The following BICC1 variants were observed in gnomAD, a reference collection of about 807,000 sequenced individuals.
BICC1 encodes protein bicaudal C homolog 1.
BICC1 carries 43 observed loss-of-function variants against 111.0 expected under a neutral mutation model. That is an observed-to-expected ratio of 0.39 (90% CI 0.30 to 0.50). BICC1 has a LOEUF of 0.50. Ranked by LOEUF, BICC1 falls within the 20% of genes least tolerant of loss-of-function variation. The pLI is 0.88. For missense variants in BICC1, 1,091 were observed against 1,203.2 expected (o/e 0.91, Z 1.38); for synonymous variants, 467 against 434.4 (o/e 1.07, Z -0.93).
chr10:58,729,938 C>T lies in BICC1; in HGVS notation c.307+27795C>T, dbSNP rs190065473. Among the ~76,000 whole-genome samples the T allele has an allele frequency of 3.9e-5, 6 of 152,240 alleles. No individual in the cohort carries two copies. The East Asian group carries it at 1.2e-3, about 29-fold the overall frequency. On this transcript the variant is annotated intron_variant, in intron 3 of 20. Coordinates refer to ENST00000373886, the MANE Select transcript of BICC1 (RefSeq NM_001080512.3). The stretch of plus-strand genomic sequence containing the variant: ...GTTTTGTGAGGACACAGATTTAAAC[C>T]ATATCTTTCTCCCCTGACCCCACAG...
intron 1 of BICC1, among the ~76,000 whole-genome samples, chr10:58,526,890 A>C (rs944528164): frequency 6.6e-6 from 1 of 152,214 alleles, no homozygotes; most frequent in Non-Finnish European, 1.5e-5. Context: ...ATAAACATAC[A>C]TGTGCATGTA....
chr10:58,712,192 G>GACAACACCAAATGCTGGTGAGAATGTGGA (rs1840597881), intron 3 of BICC1, among the ~76,000 whole-genome samples: 1 of 151,958 alleles, frequency 6.6e-6, no homozygotes, highest in South Asian at 2.1e-4. Context: ...CCCAAACACT[G>GACAACACCAAATGCTGGTGAGAATGTGGA]ACAACACCAA....
At chr10:58,679,424 T>C (rs1480806737) in intron 2 of BICC1, among the ~76,000 whole-genome samples, 1 of 152,162 alleles carries the variant, frequency 6.6e-6, no homozygotes, top group African/African-American at 2.4e-5. Context: ...GCAAATAAAC[T>C]AGGTTATCTA....
intron 19 of BICC1, among the ~76,000 whole-genome samples, chr10:58,818,920 G>C (rs1844176572): frequency 6.6e-6 from 1 of 152,028 alleles, no homozygotes; most frequent in Admixed American, 6.6e-5. Context: ...TTTCATCTAT[G>C]TTTCCTATTT....
At chr10:58,611,309 C>T (rs987457815) in intron 1 of BICC1, among the ~76,000 whole-genome samples, 2 of 152,106 alleles carry the variant, frequency 1.3e-5, no homozygotes, top group African/African-American at 2.4e-5. Flanking sequence ...ACTCAAATAA[C>T]AAGTGTTATT....
intron 2 of BICC1, among the ~76,000 whole-genome samples, chr10:58,673,239 A>G (rs928754890): frequency 1.3e-5 from 2 of 152,226 alleles, no homozygotes; most frequent in African/African-American, 4.8e-5. Context: ...TTTTGCAGAA[A>G]CATACATGTA....
intron 18 of BICC1, among the ~76,000 whole-genome samples, chr10:58,816,380 T>A (rs1344520088): frequency 6.6e-6 from 1 of 152,114 alleles, no homozygotes; most frequent in Non-Finnish European, 1.5e-5. Flanking sequence ...TTTGGGTCCT[T>A]TCTCTACACA....
chr10:58,727,777 C>T (rs1216402994), intron 3 of BICC1, among the ~76,000 whole-genome samples: 19 of 152,168 alleles, frequency 1.2e-4, no homozygotes, highest in Non-Finnish European at 2.9e-5. Context: ...TAATCAAGTA[C>T]AGACATACCT....
chr10:58,571,778 T>C (rs1843959177), intron 1 of BICC1, among the ~76,000 whole-genome samples: 1 of 152,162 alleles, frequency 6.6e-6, no homozygotes, highest in Admixed American at 6.6e-5. Context: ...TTTGCTATTG[T>C]GAAAAATGGC....
intron 16 of BICC1, 29 bp from the exon 17 acceptor site, chr10:58,806,975 C>T (rs759521737): frequency 4.4e-6 from 7 of 1,592,154 alleles, no homozygotes; most frequent in Non-Finnish European, 1.7e-6. Context: ...TTAAACATAC[C>T]AAGCATTGGT....
chr10:58,774,137 G>A lies in BICC1; in HGVS notation c.308-10864G>A, dbSNP rs73296709. On this transcript the variant is annotated intron_variant, in intron 3 of 20. Coordinates refer to ENST00000373886, the MANE Select transcript of BICC1 (RefSeq NM_001080512.3). ...CCATGACAGTTAACCCCATCATTAC[G>A]TATTCCTGCTCCAGTTTCACTGGGG... 2.8e-3 allele frequency among the ~76,000 whole-genome samples: 423 copies of A among 152,224 alleles called. 1 individual carries two copies. The highest frequency in any genetic ancestry group is 9.7e-3 in the African/African-American group (403 of 41,526).
intron 1 of BICC1, among the ~76,000 whole-genome samples, chr10:58,596,541 G>T (rs1033102539): frequency 6.6e-6 from 1 of 152,120 alleles, no homozygotes; most frequent in African/African-American, 2.4e-5. Context: ...ATTCAACATA[G>T]TATTGGAAGT....
At chr10:58,785,530 T>C (rs1293822093) in intron 4 of BICC1, among the ~76,000 whole-genome samples, 1 of 152,110 alleles carries the variant, frequency 6.6e-6, no homozygotes, top group Admixed American at 6.5e-5. Flanking sequence ...ATGAAATTTG[T>C]TGCTTGCTTT....
chr10:58,775,615 C>T lies in BICC1; in HGVS notation c.308-9386C>T, dbSNP rs545672296. On this transcript the variant is annotated intron_variant, in intron 3 of 20. Coordinates refer to ENST00000373886, the MANE Select transcript of BICC1 (RefSeq NM_001080512.3). ...TCTCTTAGGACTGAGAGATTAGGAT[C>T]CTTCATTTCTACTTTATGAGAAAAA... Among the ~76,000 whole-genome samples the T allele has an allele frequency of 9.2e-5, 14 of 152,266 alleles. No homozygotes were observed. The South Asian group carries it at 2.9e-3, about 32-fold the overall frequency.
At chr10:58,788,069 T>C (rs1843063480) in intron 5 of BICC1, among the ~76,000 whole-genome samples, 1 of 152,024 alleles carries the variant, frequency 6.6e-6, no homozygotes, top group African/African-American at 2.4e-5. Context: ...GAAAATGCAG[T>C]GAACAAGAGT....
intron 3 of BICC1, among the ~76,000 whole-genome samples, chr10:58,753,090 G>A (rs952860104): frequency 3.3e-5 from 5 of 152,170 alleles, no homozygotes; most frequent in African/African-American, 9.7e-5. Context: ...CACTGCCTCT[G>A]CTGGGCTCCC....
At chr10:58,516,497 T>C (rs901815243) in intron 1 of BICC1, among the ~76,000 whole-genome samples, 3 of 151,652 alleles carry the variant, frequency 2.0e-5, no homozygotes, top group African/African-American at 7.3e-5. Flanking sequence ...TTTTCATGGT[T>C]TTTTACTGGC....
Position 58,789,299 on chromosome 10 carries a change from T to A in BICC1, c.638T>A (p.Ile213Asn), listed in dbSNP as rs1238358055. The change falls in exon 7 of 21, where the codon ATT (isoleucine) becomes AAT (asparagine). Residue 213 changes from isoleucine to asparagine, a missense_variant. By Grantham distance (149) the Ile-to-Asn change is moderately radical. Transcript: ENST00000373886. Reference protein sequence around the residue: ...LPLVLMFELPIAGILQPVPDP... With the variant: ...LPLVLMFELPNAGILQPVPDP... ...TTGGTGCTGATGTTTGAGCTACCAATTGCTGGAATTCTTCAACCGGTTCCT... is the reference window on the plus strand; with the variant it reads ...TTGGTGCTGATGTTTGAGCTACCAAATGCTGGAATTCTTCAACCGGTTCCT... 13 of 1,613,854 alleles carry A rather than the reference T, an allele frequency of 8.1e-6. No individual in the cohort carries two copies. The highest frequency in any genetic ancestry group is 1.3e-5 in the African/African-American group (1 of 74,924).
At chr10:58,687,059 A>G (rs148577590) in intron 2 of BICC1, among the ~76,000 whole-genome samples, 2,446 of 151,364 alleles carry the variant, frequency 0.016, 64 homozygotes, top group African/African-American at 0.055. Context: ...TTTGGTATGG[A>G]TGTCCTTTCT....
Sources: allele counts gnomAD v4.1 joint callset (sites outside exome capture counted in the v4.1 genomes callset), GRCh38; gene constraint gnomAD v4.1.1; transcripts MANE v1.5; gene names NCBI Gene and HGNC (gene_info 2026-07-23, HGNC 2026-07-21).